The following PTPN14 variants were observed in gnomAD, a reference collection of about 807,000 sequenced individuals.
The protein encoded by PTPN14 is tyrosine-protein phosphatase non-receptor type 14.
A neutral mutation model predicts 126.8 loss-of-function variants in PTPN14; 53 were observed. The observed-to-expected ratio is 0.42, with a 90% CI of 0.34 to 0.53. PTPN14 has a LOEUF of 0.53. PTPN14 is among the 20% of genes least tolerant of loss of function. The probability of loss-of-function intolerance (pLI) is 0.08; values close to 1 mark genes in which losing one functional copy is unlikely to be tolerated. For synonymous variants in PTPN14, 630 were observed against 599.3 expected (o/e 1.05, Z -0.75); for missense variants, 1,257 against 1,552.9 (o/e 0.81, Z 3.20).
At chr1:214,515,543 A>T (rs1041601511) in intron 1 of PTPN14, among the ~76,000 whole-genome samples, 13 of 152,180 alleles carry the variant, frequency 8.5e-5, no homozygotes, top group Admixed American at 7.2e-4. Context: ...GAATCTATAT[A>T]TTGCTTTGTG....
intron 2 of PTPN14, among the ~76,000 whole-genome samples, chr1:214,457,247 T>C (rs1015466093): frequency 2.6e-5 from 4 of 152,200 alleles, no homozygotes; most frequent in Admixed American, 6.5e-5. Context: ...GATCAAAATA[T>C]AAATTTGCAA....
intron 5 of PTPN14, among the ~76,000 whole-genome samples, chr1:214,410,439 T>A (rs1004055173): frequency 2.6e-5 from 4 of 152,006 alleles, no homozygotes; most frequent in African/African-American, 9.7e-5. Context: ...ACTAGAGGTG[T>A]GTGCCACCAA....
intron 1 of PTPN14, among the ~76,000 whole-genome samples, chr1:214,523,385 C>T (rs1305755895): frequency 1.3e-5 from 2 of 152,100 alleles, no homozygotes; most frequent in African/African-American, 2.4e-5. Context: ...GATTATAATA[C>T]CATATTTTTA....
At chr1:214,530,640 C>G (rs1655521751) in intron 1 of PTPN14, 1 of 152,196 alleles carries the variant, frequency 6.6e-6, no homozygotes, top group Non-Finnish European at 1.5e-5. Flanking sequence ...TGATGCCTGG[C>G]TCTATAATAT....
intron 1 of PTPN14, among the ~76,000 whole-genome samples, chr1:214,492,806 G>A (rs1462631974): frequency 6.6e-6 from 1 of 151,894 alleles, no homozygotes; most frequent in Non-Finnish European, 1.5e-5. Flanking sequence ...TACCCAGGAG[G>A]CTGAGGCACG....
In PTPN14 at chr1:214,456,346, A is replaced by T. The variant is rs573279468; in HGVS notation, c.175-4372T>A. On this transcript the variant is annotated intron_variant, in intron 2 of 18. Coordinates refer to ENST00000366956, the MANE Select transcript of PTPN14 (RefSeq NM_005401.5). ...TGAATTACATATTATACAAGCACGAACAGTTTCACTGAGGCATGGAAAATA... is the reference window on the plus strand; with the variant it reads ...TGAATTACATATTATACAAGCACGATCAGTTTCACTGAGGCATGGAAAATA... 3.9e-5 allele frequency among the ~76,000 whole-genome samples: 6 copies of T among 152,350 alleles called. No homozygotes were observed. In the South Asian group the frequency reaches 1.2e-3, roughly 32 times the overall value.
At chr1:214,521,054 T>C (rs909703649) in intron 1 of PTPN14, among the ~76,000 whole-genome samples, 7 of 152,250 alleles carry the variant, frequency 4.6e-5, no homozygotes, top group South Asian at 2.1e-4. Context: ...GAGTCATCTG[T>C]TTTCCTAAGT....
rs1024259590 is a variant in PTPN14 at position 214,349,872 on chromosome 1, G to A, written c.*8050C>T. 6.6e-6 allele frequency: 1 copy of A among 152,168 alleles called. No homozygotes were observed. The highest frequency in any genetic ancestry group is 1.5e-5 in the Non-Finnish European group (1 of 68,028). The allele number at this position is 152,168 out of a possible 1,614,324, so 9.4% of individuals were successfully genotyped here. On this transcript the variant is annotated 3_prime_UTR_variant, in exon 19 of 19. Coordinates refer to ENST00000366956, the MANE Select transcript of PTPN14 (RefSeq NM_005401.5). ...GCATTCAGTTCTATGCTCAAGGTATGTATTAGCTAACACTGCAGTTGTCAG... is the reference window on the plus strand; with the variant it reads ...GCATTCAGTTCTATGCTCAAGGTATATATTAGCTAACACTGCAGTTGTCAG...
Position 214,414,651 on chromosome 1 carries a change from C to A in PTPN14, c.420G>T (p.Arg140=). The change falls in exon 4 of 19, where the codon CGG becomes CGT. Residue 140 remains arginine (R), a synonymous_variant. Coordinates refer to ENST00000366956, the MANE Select transcript of PTPN14 (RefSeq NM_005401.5). ...RLRCTLDQVI[R]LAGLAVQADF... ...TACCTTGCACAGCTAGGCCGGCTAG[C>A]CGAATCACCTGGTCCAATGTACATC... The A allele has an allele frequency of 6.2e-7, 1 of 1,614,036 alleles. No individual in the cohort carries two copies. The highest frequency in any genetic ancestry group is 8.5e-7 in the Non-Finnish European group (1 of 1,179,886).
At chr1:214,376,664 G>A (rs1483765588) in intron 14 of PTPN14, among the ~76,000 whole-genome samples, 1 of 152,266 alleles carries the variant, frequency 6.6e-6, no homozygotes, top group Middle Eastern at 3.4e-3. Flanking sequence ...GAACTAGCAA[G>A]AGTTGAAATT....
intron 1 of PTPN14, among the ~76,000 whole-genome samples, chr1:214,540,437 C>T (rs1655807758): frequency 6.6e-6 from 1 of 152,142 alleles, no homozygotes; most frequent in South Asian, 2.1e-4. Context: ...ACTGGTGCAC[C>T]CTTCATAAAC....
rs373323627 is a variant in PTPN14 at position 214,364,415 on chromosome 1, T to C, written c.3435+97A>G. On this transcript the variant is annotated intron_variant, in intron 18 of 18. Coordinates refer to ENST00000366956, the MANE Select transcript of PTPN14 (RefSeq NM_005401.5). The surrounding 1 kb of genome is among the most constrained non-coding windows in gnomAD (Gnocchi z 4.1). ...AAACTCTGGTTGGGAGACAGGAAAT[T>C]AACCACTGAAAATGCAAGGGTGCAG... 3 of 1,446,590 alleles carry C rather than the reference T, an allele frequency of 2.1e-6. No individual in the cohort carries two copies. The highest frequency in any genetic ancestry group is 1.4e-5 in the African/African-American group (1 of 70,650). 89.6% of individuals were successfully genotyped at this position (1,446,590 alleles called of 1,614,324 possible).
intron 3 of PTPN14, among the ~76,000 whole-genome samples, chr1:214,448,414 T>G (rs1202266741): frequency 3.4e-5 from 5 of 148,072 alleles, no homozygotes; most frequent in African/African-American, 1.0e-4. Context: ...TTTTTTTTTT[T>G]TGTATTTTTT....
At chr1:214,530,337 C>CTTTTTTTTTT (rs1219471589) in intron 1 of PTPN14, 86 of 129,014 alleles carry the variant, frequency 6.7e-4, no homozygotes, top group Non-Finnish European at 9.9e-4. Flanking sequence ...CTTTTCTTTT[C>CTTTTTTTTTT]TTTTTTTTTT....
intron 1 of PTPN14, among the ~76,000 whole-genome samples, chr1:214,487,897 A>C (rs1033461319): frequency 1.3e-5 from 2 of 152,218 alleles, no homozygotes; most frequent in African/African-American, 2.4e-5. Flanking sequence ...TTGAGAGAGA[A>C]GGAGGACCAA....
chr1:214,464,302 C>A (rs921763691), intron 2 of PTPN14, among the ~76,000 whole-genome samples: 2 of 150,790 alleles, frequency 1.3e-5, no homozygotes, highest in Admixed American at 6.6e-5. Context: ...AAAATACCAG[C>A]TACCCACTCA....
At chr1:214,448,071 A>C (rs1235721670) in intron 3 of PTPN14, among the ~76,000 whole-genome samples, 1 of 152,226 alleles carries the variant, frequency 6.6e-6, no homozygotes, top group Admixed American at 6.5e-5. Context: ...TGAAATTTAA[A>C]TACCTTTTGT....
intron 3 of PTPN14, among the ~76,000 whole-genome samples, chr1:214,426,655 G>T (rs1399934867): frequency 6.6e-6 from 1 of 152,150 alleles, no homozygotes; most frequent in Non-Finnish European, 1.5e-5. Context: ...CCAAATCAGA[G>T]AAATTCTTCA....
At chr1:214,519,582 T>C (rs1185202213) in intron 1 of PTPN14, among the ~76,000 whole-genome samples, 1 of 152,220 alleles carries the variant, frequency 6.6e-6, no homozygotes, top group Non-Finnish European at 1.5e-5. Flanking sequence ...AAATTATTCT[T>C]ATTTACTTGT....
Sources: allele counts gnomAD v4.1 joint callset (sites outside exome capture counted in the v4.1 genomes callset), GRCh38; gene constraint gnomAD v4.1.1; non-coding constraint Gnocchi (gnomAD v3.1); transcripts MANE v1.5; gene names NCBI Gene and HGNC (gene_info 2026-07-23, HGNC 2026-07-21).